The following RASGEF1B variants were observed in gnomAD, a reference collection of about 807,000 sequenced individuals.
RASGEF1B encodes the protein ras-GEF domain-containing family member 1B.
Under a neutral mutation model 65.7 loss-of-function variants are expected in RASGEF1B, and 30 were observed. That is an observed-to-expected ratio of 0.46 (90% CI 0.34 to 0.62). The LOEUF is 0.62. Ranked by LOEUF, RASGEF1B falls within the 20% of genes least tolerant of loss-of-function variation. The pLI is 0.01. For synonymous variants in RASGEF1B, 175 were observed against 194.8 expected (o/e 0.90, Z 0.85); for missense variants, 495 against 580.1 (o/e 0.85, Z 1.51).
At chr4:81,456,860 G>C (rs1268911163) in intron 3 of RASGEF1B, 72 bp from the exon 4 acceptor site, 2 of 1,317,528 alleles carry the variant, frequency 1.5e-6, no homozygotes, top group East Asian at 4.6e-5. Context: ...TAGTTACAAA[G>C]AGCGTCACTG....
Position 81,427,662 on chromosome 4 carries a change from C to T in RASGEF1B, c.*106G>A, listed in dbSNP as rs1268072148. On this transcript the variant is annotated 3_prime_UTR_variant, in exon 14 of 14. Transcript: ENST00000264400. Reference sequence around the variant, plus strand: ...GCTGACCCGGGTGCTCCAATGACTGCAGGGTCTTCATGAGTGTTCGTGGTA... The same window carrying T: ...GCTGACCCGGGTGCTCCAATGACTGTAGGGTCTTCATGAGTGTTCGTGGTA... 4.5e-6 allele frequency: 6 copies of T among 1,325,908 alleles called. No individual in the cohort carries two copies. Among genetic ancestry groups the T allele is most frequent in the Non-Finnish European group, 6.3e-6 (6 of 945,384 alleles). 82.1% of individuals were successfully genotyped at this position (1,325,908 alleles called of 1,614,324 possible).
chr4:81,465,451 T>C (rs1722774465), intron 1 of RASGEF1B, among the ~76,000 whole-genome samples: 1 of 152,164 alleles, frequency 6.6e-6, no homozygotes, highest in Non-Finnish European at 1.5e-5. Flanking sequence ...ATTTGGGAAG[T>C]TGAAAAGTTA....
chr4:81,451,942 A>G (rs1485195711), intron 4 of RASGEF1B: 1 of 152,224 alleles, frequency 6.6e-6, no homozygotes, highest in Non-Finnish European at 1.5e-5. Flanking sequence ...GGAAGCAATG[A>G]GCAGAACCGC....
intron 12 of RASGEF1B, among the ~76,000 whole-genome samples, chr4:81,433,039 C>T (rs1252850787): frequency 6.7e-6 from 1 of 149,910 alleles, no homozygotes; most frequent in African/African-American, 2.5e-5. Flanking sequence ...ACAGAAAAAC[C>T]CTGTCTCTAC....
At chr4:81,466,937 TAAAAAAAAA>T (rs760715662) in intron 1 of RASGEF1B, among the ~76,000 whole-genome samples, 3 of 94,726 alleles carry the variant, frequency 3.2e-5, no homozygotes, top group Admixed American at 1.1e-4. Context: ...CTTACCTCCT[TAAAAAAAAA>T]AAAAAAAAAG....
intron 8 of RASGEF1B, among the ~76,000 whole-genome samples, chr4:81,445,258 T>C (rs77826523): frequency 2.0e-5 from 3 of 152,230 alleles, no homozygotes; most frequent in African/African-American, 7.2e-5. Flanking sequence ...ACTCTTTATG[T>C]AGACAAATAT....
At chr4:81,434,399 C>A (rs1721537126) in intron 11 of RASGEF1B, among the ~76,000 whole-genome samples, 1 of 152,174 alleles carries the variant, frequency 6.6e-6, no homozygotes, top group African/African-American at 2.4e-5. Context: ...TTTAATAAAA[C>A]TCTATTTGTG....
Position 81,448,156 on chromosome 4 carries a change from C to T in RASGEF1B, c.567G>A (p.Lys189=), listed in dbSNP as rs1186244266. ...STSTDRLTVL[K]TKPQSIQRDI... ...CCCTTTGTATAGACTGTGGCTTGGT[C>T]TTGAGAACTGTGAGCCGATCTGTGG... is the stretch of plus-strand genomic sequence containing the variant. Residue 189 remains lysine (K), a synonymous_variant, in exon 5 of 14, where the codon AAG becomes AAA. Coordinates refer to ENST00000264400, the MANE Select transcript of RASGEF1B (RefSeq NM_152545.3). The T allele has an allele frequency of 6.2e-7, 1 of 1,614,026 alleles. No homozygotes were observed. The highest frequency in any genetic ancestry group is 1.3e-5 in the African/African-American group (1 of 74,920).
chr4:81,428,917 T>C (rs892372143), intron 13 of RASGEF1B, among the ~76,000 whole-genome samples: 1 of 152,254 alleles, frequency 6.6e-6, no homozygotes, highest in Admixed American at 6.5e-5. Flanking sequence ...TTGTAAATTA[T>C]AATAGCCTGT....
intron 1 of RASGEF1B, among the ~76,000 whole-genome samples, chr4:81,468,129 G>A (rs1722910448): frequency 6.6e-6 from 1 of 152,166 alleles, no homozygotes; most frequent in Admixed American, 6.5e-5. Context: ...ATACAAGGTA[G>A]ATCTCAACCC....
At chr4:81,430,258 C>A (rs887174191) in intron 13 of RASGEF1B, among the ~76,000 whole-genome samples, 1 of 152,118 alleles carries the variant, frequency 6.6e-6, no homozygotes, top group Non-Finnish European at 1.5e-5. Context: ...CCGAGATCCT[C>A]CCACTGCACT....
chr4:81,459,676 T>C (rs1257130408), intron 1 of RASGEF1B, among the ~76,000 whole-genome samples, 162 bp from the exon 2 acceptor site: 5 of 152,184 alleles, frequency 3.3e-5, no homozygotes, highest in South Asian at 2.1e-4. Context: ...AGGAACCAAA[T>C]TGCTCTCTGA....
intron 6 of RASGEF1B, among the ~76,000 whole-genome samples, 167 bp downstream of exon 6, chr4:81,447,337 C>T (rs1028487726): frequency 6.6e-6 from 1 of 151,932 alleles, no homozygotes; most frequent in African/African-American, 2.4e-5. Context: ...TTGGAGACCT[C>T]GCTCAAGAAA....
At chr4:81,467,733 A>T (rs140443308) in intron 1 of RASGEF1B, among the ~76,000 whole-genome samples, 67 of 152,288 alleles carry the variant, frequency 4.4e-4, no homozygotes, top group African/African-American at 1.4e-3. Context: ...TACAGCTCAT[A>T]CTGTACAGGT....
chr4:81,457,026 C>T (rs1722470424), intron 3 of RASGEF1B, among the ~76,000 whole-genome samples: 1 of 151,864 alleles, frequency 6.6e-6, no homozygotes. Flanking sequence ...TTTTTAATGT[C>T]TTTTATTTTT....
At chr4:81,468,275 G>C (rs571700779) in intron 1 of RASGEF1B, among the ~76,000 whole-genome samples, 3 of 152,220 alleles carry the variant, frequency 2.0e-5, no homozygotes, top group Middle Eastern at 3.4e-3. Context: ...TTATATTTTA[G>C]TATATAACAT....
intron 1 of RASGEF1B, among the ~76,000 whole-genome samples, chr4:81,461,478 C>G (rs529091214): frequency 6.6e-5 from 10 of 152,176 alleles, no homozygotes; most frequent in Non-Finnish European, 1.3e-4. Context: ...GGAGCACTTA[C>G]TCATTGCTAG....
intron 2 of RASGEF1B, chr4:81,459,039 G>T: frequency 4.2e-6 from 1 of 240,022 alleles, no homozygotes; most frequent in East Asian, 8.4e-5. Context: ...TTCTATTTAA[G>T]GACTAAGCTA....
intron 10 of RASGEF1B, among the ~76,000 whole-genome samples, chr4:81,435,697 G>A (rs957719644): frequency 5.4e-5 from 8 of 147,312 alleles, no homozygotes; most frequent in South Asian, 2.1e-4. Flanking sequence ...GGATGGTCTC[G>A]ATCTCCTGAC....
Sources: allele counts gnomAD v4.1 joint callset (sites outside exome capture counted in the v4.1 genomes callset), GRCh38; gene constraint gnomAD v4.1.1; transcripts MANE v1.5; gene names NCBI Gene and HGNC (gene_info 2026-07-23, HGNC 2026-07-21).